DNAH3: variants seen among roughly 807,000 people sequenced by gnomAD.
The protein encoded by DNAH3 is dynein axonemal heavy chain 3.
In DNAH3, 332 loss-of-function variants were observed where a neutral mutation model predicts 432.5. The observed-to-expected ratio is 0.77, with a 90% CI of 0.70 to 0.84. The LOEUF is 0.84. DNAH3 is among the 40% of genes least tolerant of loss of function. DNAH3 has a pLI of 0.00. For missense variants in DNAH3, 4,861 were observed against 5,114.0 expected, an observed-to-expected ratio of 0.95 and a Z score of 1.51; for synonymous variants, 1,956 against 1,900.2, an observed-to-expected ratio of 1.03 and a Z score of -0.76.
intron 1 of DNAH3, chr16:21,150,349 T>A (rs891835212): frequency 4.2e-5 from 19 of 451,774 alleles, no homozygotes; most frequent in African/African-American, 8.1e-5. Context: ...GCTATTTTTT[T>A]AAAATGAATA....
At chr16:20,935,633 T>C in intron 60 of DNAH3, 148 bp from the exon 61 acceptor site, 1 of 875,574 alleles carries the variant, frequency 1.1e-6, no homozygotes, top group Non-Finnish European at 1.7e-6. Flanking sequence ...CTTCCCACTT[T>C]TGAAATAAGG....
chr16:20,988,119 T>C (rs1321039116), intron 44 of DNAH3, 54 bp from the exon 45 acceptor site: 3 of 1,604,960 alleles, frequency 1.9e-6, no homozygotes, highest in East Asian at 2.2e-5. Context: ...ATTCTCACAC[T>C]GTCTGTGACC....
intron 19 of DNAH3, among the ~76,000 whole-genome samples, chr16:21,082,914 T>G (rs985130679): frequency 6.6e-6 from 1 of 152,072 alleles, no homozygotes; most frequent in Non-Finnish European, 1.5e-5. Flanking sequence ...CAGTGCAGTT[T>G]CTCCCTAAGA....
chr16:21,082,035 G>A (rs1181408095), intron 19 of DNAH3, among the ~76,000 whole-genome samples: 3 of 151,944 alleles, frequency 2.0e-5, no homozygotes, highest in Non-Finnish European at 2.9e-5. Context: ...CAGTAGCTGG[G>A]GCCACAGGCA....
intron 42 of DNAH3, among the ~76,000 whole-genome samples, chr16:21,001,415 A>G (rs1281388058): frequency 6.6e-6 from 1 of 152,184 alleles, no homozygotes; most frequent in East Asian, 1.9e-4. Context: ...GTACAACTAC[A>G]GAGAGTACCA....
At chr16:20,948,175 GTCT>G in intron 57 of DNAH3, among the ~76,000 whole-genome samples, 1 of 151,956 alleles carries the variant, frequency 6.6e-6, no homozygotes, top group East Asian at 1.9e-4. Context: ...CTGAATCTTC[GTCT>G]TCAAGTAGCA....
intron 54 of DNAH3, among the ~76,000 whole-genome samples, chr16:20,956,077 G>A (rs554724489): frequency 6.6e-5 from 10 of 151,878 alleles, no homozygotes; most frequent in East Asian, 5.8e-4. Flanking sequence ...ACAGGTGCCC[G>A]CCACTATGCC....
chr16:21,097,275 G>C (rs1443353124), intron 18 of DNAH3, 80 bp downstream of exon 18: 2 of 1,545,402 alleles, frequency 1.3e-6, no homozygotes, highest in African/African-American at 2.8e-5. Context: ...ATTCTTAAGT[G>C]CAAACCATAT....
chr16:20,973,346 G>A (rs1250014223), intron 51 of DNAH3, among the ~76,000 whole-genome samples: 4 of 151,832 alleles, frequency 2.6e-5, no homozygotes, highest in African/African-American at 7.3e-5. Flanking sequence ...TCTACCTCTC[G>A]GGTTCAAGAA....
chr16:21,005,545 ATAATT>A (rs2087254816), intron 41 of DNAH3, among the ~76,000 whole-genome samples: 1 of 151,946 alleles, frequency 6.6e-6, no homozygotes, highest in Non-Finnish European at 1.5e-5. Context: ...CACCCAGCAA[ATAATT>A]TTATTTTTTG....
chr16:21,050,066 G>A (rs1417042471), intron 29 of DNAH3, 48 bp from the exon 30 acceptor site: 2 of 1,314,690 alleles, frequency 1.5e-6, no homozygotes, highest in Non-Finnish European at 2.2e-6. Flanking sequence ...TAAGACACAG[G>A]AAAGAAACCG....
Position 21,003,133 on chromosome 16 carries a change from CT to C in DNAH3, c.6096del (p.Glu2033ArgfsTer28). ...GCACCAGCTGGAACTTTTTCCTCCT[CT>C]TTGGTGATATACTGTGTCCACGTTT... is the stretch of plus-strand genomic sequence containing the variant. On this transcript the variant is annotated frameshift_variant, in exon 42 of 62. Coordinates refer to ENST00000261383, the Ensembl canonical transcript of DNAH3. LOFTEE classifies it high-confidence loss of function. 6.2e-7 allele frequency: 1 copy of C among 1,612,672 alleles called. No individual in the cohort carries two copies. The highest frequency in any genetic ancestry group is 8.5e-7 in the Non-Finnish European group (1 of 1,179,442).
intron 33 of DNAH3, among the ~76,000 whole-genome samples, chr16:21,038,623 A>G (rs1011729390): frequency 9.2e-5 from 14 of 152,322 alleles, no homozygotes; most frequent in African/African-American, 3.4e-4. Flanking sequence ...ACCCTAACTA[A>G]TACACTTATG....
chr16:21,051,137 A>T (rs1162137452), intron 29 of DNAH3, among the ~76,000 whole-genome samples: 1 of 152,156 alleles, frequency 6.6e-6, no homozygotes, highest in Non-Finnish European at 1.5e-5. Flanking sequence ...AATCTAAAAA[A>T]CTCTCACTGT....
chr16:21,133,531 G>A (rs371008727), intron 7 of DNAH3, among the ~76,000 whole-genome samples: 25 of 152,026 alleles, frequency 1.6e-4, no homozygotes, highest in East Asian at 1.6e-3. Context: ...ACCTGAGATC[G>A]AGAGTTCGAG....
chr16:20,959,287 C>T (rs1183233718), exon 54 of DNAH3: 2 of 1,614,178 alleles, frequency 1.2e-6, no homozygotes, highest in Non-Finnish European at 8.5e-7. Flanking sequence ...CACCCAGGTC[C>T]CGTCTTTGAT....
At chr16:20,960,694 G>A (rs906354665) in intron 53 of DNAH3, among the ~76,000 whole-genome samples, 3 of 152,154 alleles carry the variant, frequency 2.0e-5, no homozygotes, top group Non-Finnish European at 4.4e-5. Flanking sequence ...TACACAGCAA[G>A]ACTCCATCTC....
At chr16:21,131,050 A>G (rs2092546382) in intron 7 of DNAH3, among the ~76,000 whole-genome samples, 1 of 152,192 alleles carries the variant, frequency 6.6e-6, no homozygotes. Context: ...TGTAGAACAC[A>G]GGGTCAGACT....
At chr16:21,078,210 G>A (rs1021144281) in intron 20 of DNAH3, among the ~76,000 whole-genome samples, 11 of 148,602 alleles carry the variant, frequency 7.4e-5, no homozygotes, top group African/African-American at 2.7e-4. Context: ...GGGAGGTGAA[G>A]GTTGCATTGA....
Sources: gnomAD v4.1 joint callset for allele counts (sites outside exome capture counted in the v4.1 genomes callset) on GRCh38, gnomAD v4.1.1 for gene constraint, MANE v1.5 for transcripts, NCBI Gene and HGNC (gene_info 2026-07-23, HGNC 2026-07-21) for gene names.